Variants in FANCB observed in about 807,000 individuals in gnomAD.
The protein encoded by FANCB is Fanconi anemia group B protein.
In FANCB, 5 loss-of-function variants were observed where a neutral mutation model predicts 38.9. The observed-to-expected ratio is 0.13, with a 90% confidence interval of 0.07 to 0.27. The LOEUF is 0.27. FANCB is among the 10% of genes least tolerant of loss of function. FANCB has a pLI of 1.00. For synonymous variants in FANCB, 236 were observed against 215.4 expected (o/e 1.10, Z -0.84); for missense variants, 573 against 602.7 (o/e 0.95, Z 0.52).
the FANCB span, among the ~76,000 whole-genome samples, chrX:14,710,426 C>G: frequency 0.019 from 2,077 of 111,665 alleles, 42 homozygotes; most frequent in African/African-American, 0.056. Flanking sequence ...GTGTCAGCCT[C>G]TAAAAGGACA....
chrX:14,739,600 G>A, the FANCB span, among the ~76,000 whole-genome samples: 49 of 111,676 alleles, frequency 4.4e-4, no homozygotes, highest in Non-Finnish European at 1.7e-4. Flanking sequence ...TGTGCATACC[G>A]CATTAATAAC....
chrX:14,745,340 G>C, the FANCB span, among the ~76,000 whole-genome samples: 2 of 111,425 alleles, frequency 1.8e-5, no homozygotes, highest in Non-Finnish European at 3.8e-5. Flanking sequence ...ACATTTGATG[G>C]GTTAAGGTAG....
downstream of FANCB, among the ~76,000 whole-genome samples, chrX:14,841,782 C>T (rs1569081696): frequency 9.0e-6 from 1 of 111,450 alleles, no homozygotes; most frequent in Non-Finnish European, 1.9e-5. Context: ...AGTGTCATTT[C>T]TTCAACTTCG....
Position 14,858,032 on chromosome X carries a change from A to C in FANCB, c.1105-78T>G, listed in dbSNP as rs1040489877. On this transcript the variant is annotated intron_variant, in intron 4 of 9. Transcript: ENST00000650831. The stretch of plus-strand genomic sequence containing the variant: ...TGAAAATTCACAAAACTAACAAAAT[A>C]CAATTAAAGTATATCCAGTCAGAAC... 4 of 639,851 alleles carry C rather than the reference A, an allele frequency of 6.3e-6. No homozygotes were observed. In the African/African-American group the frequency reaches 8.9e-5, roughly 14 times the overall value. 52.7% of individuals were successfully genotyped at this position (639,851 alleles called of 1,213,427 possible).
In FANCB at chrX:14,865,004, A is replaced by G. The variant is rs149609970; in HGVS notation, c.507T>C (p.Ser169=). 3.5e-4 allele frequency: 428 copies of G among 1,209,232 alleles called. No individual in the cohort carries two copies. Among genetic ancestry groups the G allele is most frequent in the Non-Finnish European group, 4.4e-4 (397 of 894,748 alleles). The stretch of plus-strand genomic sequence containing the variant: ...TTTCAATCTCCCCTGCCCACTGAAT[A>G]GAGGAAAAGTTACCTGACACACTAA... The part of the protein sequence containing the change: ...KVVSVSGNFS[S]IQWAGEIENL... Residue 169 remains serine, a synonymous_variant, in exon 3 of 10, where the codon TCT becomes TCC. Coordinates refer to ENST00000650831, the MANE Select transcript of FANCB (RefSeq NM_001018113.3).
rs201436396 is a variant in FANCB, at chrX:14,843,670, G to A, written c.2477C>T (p.Thr826Met). 371 of 1,207,512 alleles carry A rather than the reference G, an allele frequency of 3.1e-4. No homozygotes were observed. The highest frequency in any genetic ancestry group is 3.0e-4 in the Non-Finnish European group (270 of 893,291). The change falls in exon 10 of 10, where the codon ACG becomes ATG. Residue 826 changes from threonine to methionine, a missense_variant. Physicochemically the swap from Thr to Met is moderately conservative, Grantham distance 81 (BLOSUM62 -1). Transcript: ENST00000650831. The stretch of plus-strand genomic sequence containing the variant: ...AAGGGCACCACTCACTTTTAGGTTC[G>A]TTTGCAACATTTTCTTCTTTTCTCT... The part of the protein sequence containing the change: ...LQREKKKMLQ[T>M]NLKVSGALYR...
chrX:14,732,593 G>A, the FANCB span, among the ~76,000 whole-genome samples: 1 of 112,014 alleles, frequency 8.9e-6, no homozygotes, highest in Non-Finnish European at 1.9e-5. Flanking sequence ...GTGTGAGATG[G>A]TATCCCATTG....
intron 2 of FANCB, among the ~76,000 whole-genome samples, chrX:14,865,949 A>ACT (rs2092467981): frequency 9.0e-6 from 1 of 111,446 alleles, no homozygotes; most frequent in East Asian, 2.8e-4. Context: ...GTGGTTTCCC[A>ACT]CTCTCTGCCT....
chrX:14,819,001 T>C, the FANCB span, among the ~76,000 whole-genome samples: 1 of 112,483 alleles, frequency 8.9e-6, no homozygotes, highest in South Asian at 3.6e-4. Context: ...TATCAAAAAA[T>C]CATCTTCCAT....
At chrX:14,749,602 T>C in the FANCB span, among the ~76,000 whole-genome samples, 4 of 112,103 alleles carry the variant, frequency 3.6e-5, no homozygotes, top group African/African-American at 1.3e-4. Flanking sequence ...AATAATTTAT[T>C]TGAATTACTG....
intron 3 of FANCB, among the ~76,000 whole-genome samples, chrX:14,862,547 A>AT (rs1433474785): frequency 3.6e-5 from 4 of 111,886 alleles, no homozygotes; most frequent in African/African-American, 1.3e-4. Context: ...GAGAGTGACG[A>AT]TTGCAATTAA....
At chrX:14,857,220 A>G (rs1039237789) in intron 5 of FANCB, among the ~76,000 whole-genome samples, 1 of 112,449 alleles carries the variant, frequency 8.9e-6, no homozygotes, top group Non-Finnish European at 1.9e-5. Context: ...AAAATGCTAT[A>G]AACAAAAAAG....
chrX:14,803,455 C>T, the FANCB span, among the ~76,000 whole-genome samples: 2 of 112,555 alleles, frequency 1.8e-5, no homozygotes, highest in Admixed American at 9.4e-5. Flanking sequence ...ATAAACTTGG[C>T]ATCAGCAAAT....
the FANCB span, among the ~76,000 whole-genome samples, chrX:14,724,571 A>C: frequency 1.0e-5 from 1 of 98,715 alleles, no homozygotes; most frequent in Admixed American, 1.2e-4. Flanking sequence ...GGTTGCAGTG[A>C]GATGAGATCA....
the FANCB span, among the ~76,000 whole-genome samples, chrX:14,733,704 G>C: frequency 1.8e-5 from 2 of 111,828 alleles, no homozygotes; most frequent in Admixed American, 1.9e-4. Flanking sequence ...TGTGATTTTT[G>C]CACATTGATT....
At chrX:14,811,244 AG>A in the FANCB span, among the ~76,000 whole-genome samples, 1 of 111,795 alleles carries the variant, frequency 8.9e-6, no homozygotes, top group African/African-American at 3.3e-5. Flanking sequence ...GAGGCTAGGA[AG>A]AAACTGCATC....
chrX:14,787,605 T>G, the FANCB span, among the ~76,000 whole-genome samples: 1 of 110,006 alleles, frequency 9.1e-6, no homozygotes, highest in African/African-American at 3.3e-5. Flanking sequence ...TGATTTAATC[T>G]TTCTATAACG....
intron 5 of FANCB, among the ~76,000 whole-genome samples, chrX:14,853,899 T>C (rs1359087349): frequency 2.7e-5 from 3 of 112,395 alleles, no homozygotes; most frequent in African/African-American, 9.7e-5. Flanking sequence ...CTGATAGAAG[T>C]TGTTTCATTT....
At chrX:14,801,076 G>T in the FANCB span, among the ~76,000 whole-genome samples, 2 of 111,333 alleles carry the variant, frequency 1.8e-5, no homozygotes. Flanking sequence ...GCACCACATT[G>T]ATTAGATTGA....
Sources: gnomAD v4.1 joint callset for allele counts (sites outside exome capture counted in the v4.1 genomes callset) on GRCh38, gnomAD v4.1.1 for gene constraint, MANE v1.5 for transcripts, NCBI Gene and HGNC (gene_info 2026-07-23, HGNC 2026-07-21) for gene names.